The following CYP39A1 variants were observed in gnomAD, a reference collection of about 807,000 sequenced individuals.
CYP39A1 encodes the protein 24-hydroxycholesterol 7-alpha-hydroxylase.
CYP39A1 carries 49 observed loss-of-function variants against 58.1 expected under a neutral mutation model. That is an observed-to-expected ratio of 0.84 (90% CI 0.67 to 1.07). The LOEUF (loss-of-function observed/expected upper bound fraction) is 1.07, where lower values mean the gene tolerates loss of function less well. CYP39A1 is among the 50% of genes least tolerant of loss of function. CYP39A1 has a pLI of 0.00. For missense variants in CYP39A1, 531 were observed against 539.4 expected (o/e 0.98, Z 0.16); for synonymous variants, 209 against 187.6 (o/e 1.11, Z -0.93).
chr6:46,605,471 T>G (rs1561984203), intron 7 of CYP39A1, among the ~76,000 whole-genome samples: 1 of 152,222 alleles, frequency 6.6e-6, no homozygotes, highest in Non-Finnish European at 1.5e-5. Context: ...TTTTAATATT[T>G]TAATAAAATC....
intron 10 of CYP39A1, among the ~76,000 whole-genome samples, chr6:46,555,087 A>T (rs182648254): frequency 1.3e-5 from 2 of 151,968 alleles, no homozygotes; most frequent in East Asian, 3.9e-4. Flanking sequence ...AATCTTTCAA[A>T]CACCACAGCA....
intron 7 of CYP39A1, among the ~76,000 whole-genome samples, chr6:46,616,566 T>A (rs1774623252): frequency 6.6e-6 from 1 of 151,822 alleles, no homozygotes; most frequent in African/African-American, 2.4e-5. Context: ...ACTTTTAGAG[T>A]TTACTTATGT....
chr6:46,637,754 G>T, intron 4 of CYP39A1, 75 bp downstream of exon 4: 2 of 1,502,224 alleles, frequency 1.3e-6, no homozygotes, highest in South Asian at 1.2e-5. Flanking sequence ...CATCTACTTA[G>T]AACAGAAAAA....
intron 10 of CYP39A1, among the ~76,000 whole-genome samples, chr6:46,574,694 C>G (rs1218728220): frequency 6.6e-6 from 1 of 151,998 alleles, no homozygotes; most frequent in Admixed American, 6.6e-5. Context: ...AGATACATAT[C>G]CTGCCCAGGT....
At chr6:46,579,985 A>T (rs1772036785) in intron 10 of CYP39A1, among the ~76,000 whole-genome samples, 1 of 152,202 alleles carries the variant, frequency 6.6e-6, no homozygotes. Context: ...GTCATTTTCC[A>T]CAGAATTGGA....
chr6:46,585,967 CTGTT>C (rs530536866), intron 10 of CYP39A1, among the ~76,000 whole-genome samples: 3 of 152,224 alleles, frequency 2.0e-5, no homozygotes, highest in South Asian at 2.1e-4. Context: ...TCCTTTCACT[CTGTT>C]TGGCCAGTTT....
At chr6:46,559,636 AAGC>A (rs1207196426) in intron 10 of CYP39A1, among the ~76,000 whole-genome samples, 1 of 152,168 alleles carries the variant, frequency 6.6e-6, no homozygotes, top group Non-Finnish European at 1.5e-5. Context: ...GATCTGAAAA[AAGC>A]AGCATCTCAT....
intron 7 of CYP39A1, among the ~76,000 whole-genome samples, chr6:46,596,518 G>A (rs1335879230): frequency 2.0e-5 from 3 of 151,510 alleles, no homozygotes; most frequent in South Asian, 2.1e-4. Context: ...AAAAAGATAC[G>A]AGAAGCCATC....
chr6:46,628,085 T>C (rs1775430491), intron 6 of CYP39A1, among the ~76,000 whole-genome samples: 1 of 152,232 alleles, frequency 6.6e-6, no homozygotes, highest in Admixed American at 6.5e-5. Context: ...GAAAACTCTG[T>C]ATCTTTGCTG....
chr6:46,638,350 C>A (rs979315540), intron 3 of CYP39A1, among the ~76,000 whole-genome samples: 3 of 151,942 alleles, frequency 2.0e-5, no homozygotes, highest in Non-Finnish European at 2.9e-5. Flanking sequence ...ACAATAACAA[C>A]AACAACAACA....
intron 7 of CYP39A1, among the ~76,000 whole-genome samples, chr6:46,604,543 G>T (rs1007920600): frequency 1.3e-5 from 2 of 152,156 alleles, no homozygotes; most frequent in African/African-American, 4.8e-5. Context: ...AACCATGTTT[G>T]TCCACCTGAT....
At chr6:46,606,287 T>C (rs2150540627) in intron 7 of CYP39A1, among the ~76,000 whole-genome samples, 1 of 152,294 alleles carries the variant, frequency 6.6e-6, no homozygotes, top group Admixed American at 6.5e-5. Flanking sequence ...TAAAATATTT[T>C]TAGTTTCTCA....
chr6:46,560,928 T>A (rs1770939773), intron 10 of CYP39A1, among the ~76,000 whole-genome samples: 1 of 152,124 alleles, frequency 6.6e-6, no homozygotes, highest in South Asian at 2.1e-4. Context: ...AAATAAAGTG[T>A]TTCATGGAAG....
At chr6:46,587,657 A>G (rs1772552320) in intron 9 of CYP39A1, among the ~76,000 whole-genome samples, 1 of 152,164 alleles carries the variant, frequency 6.6e-6, no homozygotes, top group African/African-American at 2.4e-5. Flanking sequence ...AAGAAACAGC[A>G]GATCACGGTT....
In CYP39A1 at chr6:46,639,498, C is replaced by G. The variant is rs748361509; in HGVS notation, c.484G>C (p.Val162Leu). The change falls in exon 3 of 12, where the codon GTA (valine) becomes CTA (leucine). Residue 162 changes from valine (V) to leucine (L), a missense_variant. Val to Leu is a conservative substitution (Grantham distance 32). Transcript: ENST00000275016. ...CATACTAATGCGTCTATTTACCTTACTAAGTTGTTCAGGTCCATTGTCCCA... is the reference window on the plus strand; with the variant it reads ...CATACTAATGCGTCTATTTACCTTAGTAAGTTGTTCAGGTCCATTGTCCCA... ...THGTMDLNNLVRHLLYPVTVN... is the reference protein window; with the variant it reads ...THGTMDLNNLLRHLLYPVTVN... 7.4e-6 allele frequency: 12 copies of G among 1,613,842 alleles called. No individual in the cohort carries two copies. Among genetic ancestry groups the G allele is most frequent in the Non-Finnish European group, 1.0e-5 (12 of 1,179,874 alleles).
At chr6:46,645,880 C>T (rs1762291152) in intron 1 of CYP39A1, among the ~76,000 whole-genome samples, 1 of 152,030 alleles carries the variant, frequency 6.6e-6, no homozygotes, top group Non-Finnish European at 1.5e-5. Context: ...CATTTTGTTA[C>T]ATTTATACCT....
chr6:46,621,285 T>C (rs1351635570), intron 7 of CYP39A1, among the ~76,000 whole-genome samples: 3 of 152,076 alleles, frequency 2.0e-5, no homozygotes, highest in Non-Finnish European at 2.9e-5. Context: ...GGAAATCTTT[T>C]CTAAAGAACT....
intron 7 of CYP39A1, among the ~76,000 whole-genome samples, chr6:46,606,407 T>A (rs980311365): frequency 2.6e-5 from 4 of 152,204 alleles, no homozygotes; most frequent in African/African-American, 9.6e-5. Context: ...AAAGACCTTT[T>A]TTACTATGAC....
At chr6:46,581,016 C>A (rs933947219) in intron 10 of CYP39A1, among the ~76,000 whole-genome samples, 4 of 152,074 alleles carry the variant, frequency 2.6e-5, no homozygotes, top group Non-Finnish European at 5.9e-5. Context: ...AATGATTATA[C>A]CAAAAATACA....
Sources: allele counts gnomAD v4.1 joint callset (sites outside exome capture counted in the v4.1 genomes callset), GRCh38; gene constraint gnomAD v4.1.1; transcripts MANE v1.5; gene names NCBI Gene and HGNC (gene_info 2026-07-23, HGNC 2026-07-21).